IL17RD: variants seen among roughly 807,000 people sequenced by gnomAD.
The protein encoded by IL17RD is interleukin-17 receptor D.
In IL17RD, 52 loss-of-function variants were observed where a neutral mutation model predicts 80.5. That is an observed-to-expected ratio of 0.65 (90% CI 0.52 to 0.81). The LOEUF (loss-of-function observed/expected upper bound fraction) is 0.81, where lower values mean the gene tolerates loss of function less well. Among genes scored for constraint, IL17RD ranks in the 40% least tolerant of loss-of-function variants. IL17RD has a pLI of 0.00. For synonymous variants in IL17RD, 416 were observed against 391.8 expected (o/e 1.06, Z -0.73); for missense variants, 1,024 against 955.1 (o/e 1.07, Z -0.95).
intron 1 of IL17RD, among the ~76,000 whole-genome samples, chr3:57,161,029 G>A (rs1041481802): frequency 3.3e-5 from 5 of 152,198 alleles, no homozygotes; most frequent in African/African-American, 1.2e-4. Context: ...GGGTTGGGTG[G>A]ATGGCTGAGG....
At chr3:57,122,944 C>T (rs989402218) in intron 1 of IL17RD, among the ~76,000 whole-genome samples, 2 of 151,664 alleles carry the variant, frequency 1.3e-5, no homozygotes, top group African/African-American at 4.8e-5. Context: ...GTTCCAGTTC[C>T]CTTATATTTG....
intron 2 of IL17RD, among the ~76,000 whole-genome samples, chr3:57,116,095 T>A (rs62250354): frequency 0.1 from 15,448 of 151,986 alleles, 1,011 homozygotes; most frequent in Non-Finnish European, 0.14. Context: ...CACATAATAT[T>A]CCTCTTTTTA....
chr3:57,114,406 T>A (rs1025688144), intron 3 of IL17RD, among the ~76,000 whole-genome samples: 1 of 152,190 alleles, frequency 6.6e-6, no homozygotes, highest in Non-Finnish European at 1.5e-5. Context: ...TGACTAGGGC[T>A]GAGACAGAGG....
chr3:57,105,812 G>A (rs746764520), intron 7 of IL17RD, 45 bp downstream of exon 7: 56 of 1,571,628 alleles, frequency 3.6e-5, no homozygotes, highest in East Asian at 4.5e-5. Context: ...CCTGGGGGTC[G>A]CTTTGAAACA....
At position 57,140,449 on chromosome 3, in the gene IL17RD, A is replaced by T. The variant is rs4681961; in HGVS notation, c.127-20136T>A. Among the ~76,000 whole-genome samples the T allele has an allele frequency of 8.4e-3, 1,276 of 152,320 alleles. 74 individuals are homozygous for T. The East Asian group carries it at 0.16, about 19-fold the overall frequency. ...GGCTAGAATGGTATCAGTAGGACTCAAAGTTATCGAATTAGATTTCAATTC... is the reference window on the plus strand; with the variant it reads ...GGCTAGAATGGTATCAGTAGGACTCTAAGTTATCGAATTAGATTTCAATTC... On this transcript the variant is annotated intron_variant, in intron 1 of 12. Coordinates refer to ENST00000296318, the MANE Select transcript of IL17RD (RefSeq NM_017563.5).
At chr3:57,098,670 G>T in intron 11 of IL17RD, 132 bp from the exon 12 acceptor site, 1 of 663,622 alleles carries the variant, frequency 1.5e-6, no homozygotes, top group Non-Finnish European at 2.6e-6. Flanking sequence ...ACAGCTATGT[G>T]CAGGCTCCAG....
At chr3:57,102,964 A>G (rs944552828) in intron 9 of IL17RD, 127 bp downstream of exon 9, 2 of 650,270 alleles carry the variant, frequency 3.1e-6, no homozygotes, top group Non-Finnish European at 5.4e-6. Context: ...GTCAGATTTG[A>G]TGGAACATCA....
Position 57,142,541 on chromosome 3 carries a change from C to T in IL17RD, c.127-22228G>A, listed in dbSNP as rs769153010. Reference sequence around the variant, plus strand: ...TCCAACCGCCCCGTCTGACCTCCCCCACTCCGGCCTCCTGGCAGGGAGATA... The same window carrying T: ...TCCAACCGCCCCGTCTGACCTCCCCTACTCCGGCCTCCTGGCAGGGAGATA... On this transcript the variant is annotated intron_variant, in intron 1 of 12. Transcript: ENST00000296318. 1.2e-5 allele frequency: 16 copies of T among 1,280,364 alleles called. No individual in the cohort carries two copies. In the East Asian group the frequency reaches 2.2e-4, roughly 18 times the overall value. 79.3% of individuals were successfully genotyped at this position (1,280,364 alleles called of 1,614,324 possible).
intron 1 of IL17RD, chr3:57,142,474 C>T (rs71311806): frequency 0.019 from 24,163 of 1,283,562 alleles, 335 homozygotes; most frequent in Non-Finnish European, 0.021. Flanking sequence ...TGACAAACAA[C>T]GCAGGAACAC....
intron 1 of IL17RD, among the ~76,000 whole-genome samples, chr3:57,127,275 A>AATATATAAAT (rs1707491590): frequency 1.4e-5 from 1 of 71,932 alleles, no homozygotes; most frequent in African/African-American, 6.4e-5. Context: ...TATATATAAA[A>AATATATAAAT]ATATATATAA....
chr3:57,120,243 G>A lies in IL17RD; in HGVS notation c.184+13C>T. 2 of 1,599,656 alleles carry A rather than the reference G, an allele frequency of 1.3e-6. No homozygotes were observed. The highest frequency in any genetic ancestry group is 1.7e-6 in the Non-Finnish European group (2 of 1,166,752). On this transcript the variant is annotated intron_variant, in intron 2 of 12. Coordinates refer to ENST00000296318, the MANE Select transcript of IL17RD (RefSeq NM_017563.5). The stretch of plus-strand genomic sequence containing the variant: ...AAGGGCTCCATTCTTCAGCAATAAA[G>A]GCGGTTACTTACTGTCATATTTGAA...
At chr3:57,149,399 T>C (rs4681719) in intron 1 of IL17RD, among the ~76,000 whole-genome samples, 2,325 of 152,292 alleles carry the variant, frequency 0.015, 76 homozygotes, top group African/African-American at 0.053. Context: ...TCTCTGTACT[T>C]ACCCATATTG....
At chr3:57,111,835 G>A (rs371652507) in intron 3 of IL17RD, among the ~76,000 whole-genome samples, 4 of 151,776 alleles carry the variant, frequency 2.6e-5, no homozygotes, top group South Asian at 2.1e-4. Context: ...AGTGGTGGGC[G>A]CCTGTAGTCC....
chr3:57,163,154 C>A (rs998823109), intron 1 of IL17RD, among the ~76,000 whole-genome samples: 5 of 152,132 alleles, frequency 3.3e-5, no homozygotes, highest in Non-Finnish European at 7.3e-5. Context: ...AGACAAGGAA[C>A]CATGTATCAG....
At chr3:57,099,971 A>G (rs770808003) in intron 11 of IL17RD, among the ~76,000 whole-genome samples, 6 of 152,250 alleles carry the variant, frequency 3.9e-5, no homozygotes, top group African/African-American at 7.2e-5. Flanking sequence ...AAAAGACTGG[A>G]AGGAAATAAA....
chr3:57,129,474 T>C lies in IL17RD; in HGVS notation c.127-9161A>G, dbSNP rs372385095. On this transcript the variant is annotated intron_variant, in intron 1 of 12. Transcript: ENST00000296318. ...CCACACAGAGAGGTGCACCGAATTG[T>C]GCTGACTTCAAATACCACTGTTTCC... is the stretch of plus-strand genomic sequence containing the variant. Among the ~76,000 whole-genome samples the C allele has an allele frequency of 7.9e-5, 12 of 152,326 alleles. No individual in the cohort carries two copies. In the East Asian group the frequency reaches 2.1e-3, roughly 27 times the overall value.
chr3:57,125,440 T>G (rs1018827046), intron 1 of IL17RD, among the ~76,000 whole-genome samples: 2 of 152,100 alleles, frequency 1.3e-5, no homozygotes, highest in Non-Finnish European at 2.9e-5. Context: ...GAATAAAACT[T>G]TGTGGAAAGC....
At chr3:57,132,135 G>A (rs370652975) in intron 1 of IL17RD, among the ~76,000 whole-genome samples, 15 of 151,176 alleles carry the variant, frequency 9.9e-5, no homozygotes, top group African/African-American at 3.4e-4. Context: ...GTAGTGAGCC[G>A]AGATCACACC....
At chr3:57,099,837 T>C (rs1174260950) in intron 11 of IL17RD, among the ~76,000 whole-genome samples, 1 of 152,218 alleles carries the variant, frequency 6.6e-6, no homozygotes, top group Non-Finnish European at 1.5e-5. Context: ...GAGGATCATG[T>C]AGCTATTTAA....
Sources: gnomAD v4.1 joint callset for allele counts (sites outside exome capture counted in the v4.1 genomes callset) on GRCh38, gnomAD v4.1.1 for gene constraint, MANE v1.5 for transcripts, NCBI Gene and HGNC (gene_info 2026-07-23, HGNC 2026-07-21) for gene names.